Variants in MRM1 observed in about 807,000 individuals in gnomAD.
MRM1 encodes mitochondrial rRNA methyltransferase 1, also known as rRNA methyltransferase 1, mitochondrial.
MRM1 carries 24 observed loss-of-function variants against 25.0 expected under a neutral mutation model. The ratio of observed to expected loss-of-function variants is 0.96; its 90% CI spans 0.69 to 1.35. MRM1 has a LOEUF of 1.35. MRM1 is among the 40% of genes most tolerant of loss of function. The pLI is 0.00. For synonymous variants in MRM1, 188 were observed against 199.2 expected, an observed-to-expected ratio of 0.94 and a Z score of 0.47; for missense variants, 431 against 464.1, an observed-to-expected ratio of 0.93 and a Z score of 0.65.
chr17:36,613,166 A>AT (rs903171941), downstream of MRM1, among the ~76,000 whole-genome samples: 1 of 151,962 alleles, frequency 6.6e-6, no homozygotes, highest in African/African-American at 2.4e-5. Flanking sequence ...GGCCTGGAAT[A>AT]TTTTTTTGGC....
chr17:36,602,029 G>A lies in MRM1; in HGVS notation c.219G>A (p.Leu73=), dbSNP rs757467392. 6.2e-7 allele frequency: 1 copy of A among 1,610,846 alleles called. No individual in the cohort carries two copies. ...CCCGCCGCTCTGTGGCCCGGCTCCT[G>A]CTCCAGGCGGGTAAAGCTGGGCTGC... ...QAARRSVARL[L]LQAGKAGLQG... Residue 73 remains leucine, a synonymous_variant, in exon 1 of 5, where the codon CTG becomes CTA. Transcript: ENST00000614766. The surrounding 1 kb of genome is among the most constrained non-coding windows in gnomAD (Gnocchi z 4.1).
downstream of MRM1, among the ~76,000 whole-genome samples, chr17:36,609,135 T>G (rs1367000074): frequency 1.3e-5 from 2 of 152,118 alleles, no homozygotes; most frequent in African/African-American, 2.4e-5. Context: ...CACGGGTGAC[T>G]GAGTCAGTTC....
At chr17:36,632,890 G>T in the MRM1 span, among the ~76,000 whole-genome samples, 1 of 152,186 alleles carries the variant, frequency 6.6e-6, no homozygotes, top group East Asian at 1.9e-4. Context: ...ATGGGCAAAG[G>T]CCTTCAGTGA....
At chr17:36,624,112 G>T in the MRM1 span, among the ~76,000 whole-genome samples, 1 of 152,152 alleles carries the variant, frequency 6.6e-6, no homozygotes, top group South Asian at 2.1e-4. This position sits in a 1 kb window ranked among gnomAD's most constrained non-coding sequence, Gnocchi z 4.0. Context: ...AAGTCCAGCT[G>T]TGAAACAAGC....
chr17:36,616,885 G>C, the MRM1 span, among the ~76,000 whole-genome samples: 1 of 152,024 alleles, frequency 6.6e-6, no homozygotes, highest in Non-Finnish European at 1.5e-5. Context: ...ATGCCCAGCT[G>C]ATTAAAAACG....
chr17:36,615,059 C>T, the MRM1 span, among the ~76,000 whole-genome samples: 5 of 152,192 alleles, frequency 3.3e-5, no homozygotes, highest in Admixed American at 1.3e-4. Flanking sequence ...AGATTTCTAC[C>T]TCAGGCTCTG....
the MRM1 span, chr17:36,634,131 G>A: frequency 4.6e-5 from 7 of 152,066 alleles, no homozygotes; most frequent in African/African-American, 1.7e-4. Flanking sequence ...CATCCTCCAT[G>A]GAGAATCTTC....
the MRM1 span, among the ~76,000 whole-genome samples, chr17:36,627,462 C>T: frequency 7.2e-5 from 11 of 152,172 alleles, no homozygotes; most frequent in African/African-American, 9.7e-5. Context: ...CATCCCTATC[C>T]GGTGGAAAGA....
At chr17:36,610,199 A>G (rs1458979440), downstream of MRM1, among the ~76,000 whole-genome samples, 1 of 148,110 alleles carries the variant, frequency 6.8e-6, no homozygotes. Context: ...AAGTGCTGGC[A>G]TTACAGGTGT....
At chr17:36,619,684 G>A in the MRM1 span, among the ~76,000 whole-genome samples, 3 of 151,468 alleles carry the variant, frequency 2.0e-5, no homozygotes, top group Non-Finnish European at 2.9e-5. Context: ...AAAAAAAGAC[G>A]CTGCCTTCAG....
rs1341413749 is a variant in MRM1 at position 36,608,004 on chromosome 17, T to G, written c.875T>G (p.Val292Gly). The change falls in exon 4 of 5, where the codon GTC (valine) becomes GGC (glycine). Residue 292 changes from valine to glycine, a missense_variant. Physicochemically the swap from Val to Gly is moderately radical, Grantham distance 109. Coordinates refer to ENST00000614766, the MANE Select transcript of MRM1 (RefSeq NM_024864.5). ...CCTCCTGGACTTGAGTCCTTGAACG[T>G]CTCTGTGGCTGCAGGTGAGTCTACT... ...QLPPGLESLN[V>G]SVAAGILLHS... 1 of 1,613,938 alleles carries G rather than the reference T, an allele frequency of 6.2e-7. No homozygotes were observed. The highest frequency in any genetic ancestry group is 1.3e-5 in the African/African-American group (1 of 74,886).
the MRM1 span, among the ~76,000 whole-genome samples, chr17:36,622,508 G>T: frequency 6.6e-6 from 1 of 151,274 alleles, no homozygotes; most frequent in Non-Finnish European, 1.5e-5. Flanking sequence ...GGAGGCAGAG[G>T]TTGCAGTGAG....
At chr17:36,605,892 G>A (rs1158491055) in intron 2 of MRM1, among the ~76,000 whole-genome samples, 1 of 152,000 alleles carries the variant, frequency 6.6e-6, no homozygotes, top group Admixed American at 6.6e-5. Flanking sequence ...CCTTTCTTCT[G>A]CTCTTGGCTC....
chr17:36,628,300 T>C, the MRM1 span, among the ~76,000 whole-genome samples: 1 of 152,186 alleles, frequency 6.6e-6, no homozygotes, highest in South Asian at 2.1e-4. Context: ...AATGTATGTT[T>C]TGGCAGGGCT....
the MRM1 span, among the ~76,000 whole-genome samples, chr17:36,629,420 G>A: frequency 6.6e-5 from 10 of 152,188 alleles, no homozygotes; most frequent in African/African-American, 2.4e-4. Context: ...GAGCTGCGGC[G>A]GCAGGCAGGG....
the MRM1 span, among the ~76,000 whole-genome samples, chr17:36,623,910 G>A: frequency 3.3e-5 from 5 of 152,256 alleles, no homozygotes; most frequent in Non-Finnish European, 7.4e-5. Context: ...GGAAGCCCCC[G>A]CTCGGACCTG....
At chr17:36,632,269 C>T in the MRM1 span, among the ~76,000 whole-genome samples, 1 of 152,114 alleles carries the variant, frequency 6.6e-6, no homozygotes, top group African/African-American at 2.4e-5. Context: ...GGGGTGGAGC[C>T]AGGCAGGGTG....
At position 36,602,032 on chromosome 17, in the gene MRM1, C is replaced by G. The variant is rs1442419350; in HGVS notation, c.222C>G (p.Leu74=). The G allele has an allele frequency of 6.2e-7, 1 of 1,610,630 alleles. No homozygotes were observed. Among genetic ancestry groups the G allele is most frequent in the South Asian group, 1.1e-5 (1 of 91,012 alleles). The change falls in exon 1 of 5, where the codon CTC becomes CTG. Residue 74 remains leucine (L), a synonymous_variant. Transcript: ENST00000614766. The surrounding 1 kb of genome is among the most constrained non-coding windows in gnomAD (Gnocchi z 4.1). ...AARRSVARLL[L]QAGKAGLQGK... is the part of the protein sequence containing the mutation. ...GCCGCTCTGTGGCCCGGCTCCTGCT[C>G]CAGGCGGGTAAAGCTGGGCTGCAGG...
At chr17:36,605,140 C>CAA (rs35958806) in intron 2 of MRM1, among the ~76,000 whole-genome samples, 1 of 120,312 alleles carries the variant, frequency 8.3e-6, no homozygotes, top group East Asian at 2.4e-4. Context: ...AACTCTATCT[C>CAA]AAAAAAAAAA....
Sources: gnomAD v4.1 joint callset for allele counts (sites outside exome capture counted in the v4.1 genomes callset) on GRCh38, gnomAD v4.1.1 for gene constraint, Gnocchi (gnomAD v3.1) non-coding constraint, MANE v1.5 for transcripts, NCBI Gene and HGNC (gene_info 2026-07-23, HGNC 2026-07-21) for gene names.